Variants in BACH2 observed in about 807,000 individuals in gnomAD.
The protein encoded by BACH2 is transcription regulator protein BACH2.
Under a neutral mutation model 61.8 loss-of-function variants are expected in BACH2, and 5 were observed. The ratio of observed to expected loss-of-function variants is 0.08; its 90% CI spans 0.04 to 0.17. The LOEUF is 0.17. Among genes scored for constraint, BACH2 ranks in the 10% least tolerant of loss-of-function variants. The pLI is 1.00. For missense variants in BACH2, 824 were observed against 1,091.1 expected (o/e 0.76, Z 3.45); for synonymous variants, 446 against 440.1 (o/e 1.01, Z -0.17).
chr6:89,978,907 C>G (rs180743009), intron 6 of BACH2, among the ~76,000 whole-genome samples: 1 of 152,100 alleles, frequency 6.6e-6, no homozygotes, highest in Non-Finnish European at 1.5e-5. Context: ...CATGAAAGCT[C>G]GTGGGAGCAA....
At chr6:90,216,137 A>C (rs1375837007) in intron 3 of BACH2, among the ~76,000 whole-genome samples, 1 of 152,238 alleles carries the variant, frequency 6.6e-6, no homozygotes, top group Non-Finnish European at 1.5e-5. Flanking sequence ...GAACAGCCAC[A>C]GAAAGCAGTT....
intron 5 of BACH2, among the ~76,000 whole-genome samples, chr6:90,038,000 A>G (rs889440714): frequency 6.6e-6 from 1 of 152,178 alleles, no homozygotes; most frequent in Non-Finnish European, 1.5e-5. Context: ...GTTCTTCCCT[A>G]TAGGTTTCAG....
chr6:90,247,638 CCCTAAAGTATAGCCTCTA>C (rs1770681001), intron 3 of BACH2, among the ~76,000 whole-genome samples: 1 of 152,122 alleles, frequency 6.6e-6, no homozygotes, highest in Non-Finnish European at 1.5e-5. Context: ...TTCTTCACTC[CCCTAAAGTATAGCCTCTA>C]CCTACTTTTT....
intron 4 of BACH2, among the ~76,000 whole-genome samples, chr6:90,181,078 T>C (rs1330977246): frequency 1.8e-4 from 28 of 152,206 alleles, no homozygotes. Context: ...TTTTAGTTCT[T>C]TGAGAAATCT....
chr6:89,942,066 T>C (rs210052), intron 7 of BACH2, among the ~76,000 whole-genome samples: 58,662 of 151,888 alleles, frequency 0.39, 11,989 homozygotes, highest in East Asian at 0.72. Context: ...CTATAGACTT[T>C]CTCCCAGGTG....
intron 7 of BACH2, among the ~76,000 whole-genome samples, chr6:89,949,388 A>G (rs1773936601): frequency 6.6e-6 from 1 of 152,172 alleles, no homozygotes; most frequent in Non-Finnish European, 1.5e-5. Context: ...AGGTCACGAC[A>G]CAGACTCTCT....
intron 1 of BACH2, among the ~76,000 whole-genome samples, chr6:90,274,214 T>C (rs867232582): frequency 1.3e-5 from 2 of 152,210 alleles, no homozygotes; most frequent in Admixed American, 6.5e-5. Context: ...TCCAAGAACA[T>C]ACGTTGATTC....
intron 3 of BACH2, among the ~76,000 whole-genome samples, chr6:90,230,995 G>A (rs896272372): frequency 1.3e-5 from 2 of 152,128 alleles, no homozygotes; most frequent in African/African-American, 4.8e-5. Flanking sequence ...GATGAGGAAT[G>A]TGGTACCCTG....
chr6:90,014,462 ATATATATT>A (rs1777930225), intron 5 of BACH2, among the ~76,000 whole-genome samples: 1 of 65,210 alleles, frequency 1.5e-5, no homozygotes, highest in East Asian at 3.9e-4. Context: ...ATATATATAT[ATATATATT>A]TTTTTTTTTT....
At chr6:90,199,035 C>T (rs750749630) in intron 4 of BACH2, among the ~76,000 whole-genome samples, 2 of 152,210 alleles carry the variant, frequency 1.3e-5, no homozygotes, top group African/African-American at 2.4e-5. Flanking sequence ...TTCACTCCTC[C>T]TCACCTTCCA....
intron 6 of BACH2, among the ~76,000 whole-genome samples, chr6:89,978,148 C>T (rs567525492): frequency 6.6e-6 from 1 of 152,164 alleles, no homozygotes; most frequent in Non-Finnish European, 1.5e-5. Flanking sequence ...ATATGAAGTG[C>T]TGCAACCATT....
chr6:90,019,661 A>C (rs1316480262), intron 5 of BACH2, among the ~76,000 whole-genome samples: 1 of 152,196 alleles, frequency 6.6e-6, no homozygotes, highest in Non-Finnish European at 1.5e-5. Context: ...TTGTGCCGTT[A>C]TATTGTTGTT....
intron 5 of BACH2, among the ~76,000 whole-genome samples, chr6:90,047,615 T>C (rs960722346): frequency 2.6e-5 from 4 of 152,220 alleles, no homozygotes; most frequent in African/African-American, 7.2e-5. Context: ...GCCGTGGCTG[T>C]CTTATAATAA....
At chr6:90,033,016 A>C (rs1271374246) in intron 5 of BACH2, among the ~76,000 whole-genome samples, 1 of 152,192 alleles carries the variant, frequency 6.6e-6, no homozygotes, top group African/African-American at 2.4e-5. Context: ...ACCATGGAAT[A>C]CTATGCAGCC....
intron 4 of BACH2, among the ~76,000 whole-genome samples, chr6:90,092,288 AAAAATAT>A (rs1208272612): frequency 2.6e-4 from 11 of 43,104 alleles, no homozygotes; most frequent in African/African-American, 1.1e-3. Flanking sequence ...AGTAAAAAAA[AAAAATAT>A]ATATATATAT....
At chr6:90,005,901 A>C (rs1777379747) in intron 6 of BACH2, among the ~76,000 whole-genome samples, 2 of 152,170 alleles carry the variant, frequency 1.3e-5, no homozygotes, top group Admixed American at 1.3e-4. Context: ...TTACAGGGGG[A>C]GGAAGAAAGA....
intron 4 of BACH2, among the ~76,000 whole-genome samples, chr6:90,128,612 T>C (rs1206642662): frequency 6.6e-6 from 1 of 152,162 alleles, no homozygotes; most frequent in African/African-American, 2.4e-5. Context: ...ACACTGTTGG[T>C]GGGACTGTAA....
At chr6:90,281,303 T>G (rs1434646415) in intron 1 of BACH2, among the ~76,000 whole-genome samples, 5 of 152,242 alleles carry the variant, frequency 3.3e-5, no homozygotes, top group Non-Finnish European at 7.3e-5. Flanking sequence ...TTACAGTTAT[T>G]TCTATTTAAT....
At chr6:90,148,129 T>A (rs563976880) in intron 4 of BACH2, among the ~76,000 whole-genome samples, 1 of 152,330 alleles carries the variant, frequency 6.6e-6, no homozygotes, top group South Asian at 2.1e-4. Flanking sequence ...GAGGAGCTAA[T>A]GGCTGACAAA....
Sources: allele counts gnomAD v4.1 joint callset (sites outside exome capture counted in the v4.1 genomes callset), GRCh38; gene constraint gnomAD v4.1.1; transcripts MANE v1.5; gene names NCBI Gene and HGNC (gene_info 2026-07-23, HGNC 2026-07-21).